Variants in GNG2 observed in about 807,000 individuals in gnomAD.
The protein encoded by GNG2 is G protein subunit gamma 2, also known as guanine nucleotide-binding protein G(I)/G(S)/G(O) subunit gamma-2.
Under a neutral mutation model 5.5 loss-of-function variants are expected in GNG2, and 5 were observed. The observed-to-expected ratio is 0.91, with a 90% CI of 0.48 to 1.92. The LOEUF (loss-of-function observed/expected upper bound fraction) is 1.92, where lower values mean the gene tolerates loss of function less well. GNG2 is among the 30% of genes most tolerant of loss of function. The probability of loss-of-function intolerance (pLI) is 0.01; values close to 1 mark genes in which losing one functional copy is unlikely to be tolerated. For missense variants in GNG2, 55 were observed against 88.4 expected, an observed-to-expected ratio of 0.62 and a Z score of 1.52; for synonymous variants, 28 against 32.0, an observed-to-expected ratio of 0.88 and a Z score of 0.42.
Position 51,901,963 on chromosome 14 carries a change from T to TAAA in GNG2, c.-30+24333_-30+24335dup, listed in dbSNP as rs34308582. Reference sequence around the variant, plus strand: ...CAACTAAGATCACAATAACAATCTGTAAAAAAAAAAAAAAAAAAAAAAAAA... The same window carrying TAAA: ...CAACTAAGATCACAATAACAATCTGTAAAAAAAAAAAAAAAAAAAAAAAAAAAA... On this transcript the variant is annotated intron_variant, in intron 2 of 3. Transcript: ENST00000556766. 4.1e-4 allele frequency among the ~76,000 whole-genome samples: 23 copies of TAAA among 56,450 alleles called. 3 individuals are homozygous for TAAA. The highest frequency in any genetic ancestry group is 1.5e-3 in the African/African-American group (22 of 15,062). 37.0% of individuals were successfully genotyped at this position (56,450 alleles called of 152,430 possible).
At chr14:51,928,260 G>A (rs968108398) in intron 2 of GNG2, among the ~76,000 whole-genome samples, 3 of 151,932 alleles carry the variant, frequency 2.0e-5, no homozygotes, top group Non-Finnish European at 2.9e-5. Context: ...TCGAACTCCT[G>A]ACCTCGTGAT....
At chr14:51,880,967 GAAAAAAAAA>G (rs11463019) in intron 2 of GNG2, among the ~76,000 whole-genome samples, 2 of 101,984 alleles carry the variant, frequency 2.0e-5, no homozygotes, top group African/African-American at 7.6e-5. Context: ...CAAAAAAAAA[GAAAAAAAAA>G]AAAAAAAAAA....
intron 2 of GNG2, among the ~76,000 whole-genome samples, chr14:51,889,321 C>G (rs1884686200): frequency 6.6e-6 from 1 of 151,950 alleles, no homozygotes; most frequent in Non-Finnish European, 1.5e-5. Flanking sequence ...CCATGTTGGC[C>G]AGGATGGTCA....
intron 2 of GNG2, among the ~76,000 whole-genome samples, chr14:51,881,944 A>G (rs187826539): frequency 6.8e-4 from 104 of 152,188 alleles, no homozygotes; most frequent in African/African-American, 2.4e-3. Context: ...AGGACTTTCA[A>G]TCCTGGTTTC....
intron 2 of GNG2, among the ~76,000 whole-genome samples, chr14:51,843,255 T>C (rs1164070432): frequency 6.6e-6 from 1 of 152,182 alleles, no homozygotes; most frequent in Non-Finnish European, 1.5e-5. Flanking sequence ...TCTACTTGGT[T>C]GTCTTACTCT....
At chr14:51,845,288 T>G (rs1881591740) in intron 2 of GNG2, among the ~76,000 whole-genome samples, 1 of 152,186 alleles carries the variant, frequency 6.6e-6, no homozygotes, top group East Asian at 1.9e-4. Context: ...CCCAGGAGTT[T>G]GAGACCAACC....
At chr14:51,899,253 G>A (rs1039147851) in intron 2 of GNG2, among the ~76,000 whole-genome samples, 18 of 152,182 alleles carry the variant, frequency 1.2e-4, no homozygotes, top group African/African-American at 4.3e-4. Context: ...GCTCTTGACT[G>A]GCTTTGCCTC....
chr14:51,853,296 CAG>C (rs1881999104), intron 2 of GNG2, among the ~76,000 whole-genome samples: 1 of 152,152 alleles, frequency 6.6e-6, no homozygotes, highest in Admixed American at 6.5e-5. Flanking sequence ...CCCTTGCCCT[CAG>C]GGAGTGGCAG....
chr14:51,914,755 G>A (rs939984005), intron 2 of GNG2, among the ~76,000 whole-genome samples: 18 of 152,182 alleles, frequency 1.2e-4, no homozygotes, highest in African/African-American at 4.3e-4. Flanking sequence ...GATTTCATTT[G>A]AAGAGTTCTT....
chr14:51,835,668 C>G (rs10220479), intron 2 of GNG2, among the ~76,000 whole-genome samples: 32,227 of 152,124 alleles, frequency 0.21, 3,897 homozygotes, highest in African/African-American at 0.31. Flanking sequence ...GCTCCCCTGA[C>G]CTACAACTTC....
intron 2 of GNG2, among the ~76,000 whole-genome samples, chr14:51,853,613 C>T (rs1882013669): frequency 6.8e-6 from 1 of 147,612 alleles, no homozygotes; most frequent in South Asian, 2.1e-4. Context: ...GTCTGGTCTA[C>T]ATTTTTGGCA....
At chr14:51,923,707 T>C (rs1273956248) in intron 2 of GNG2, among the ~76,000 whole-genome samples, 1 of 152,204 alleles carries the variant, frequency 6.6e-6, no homozygotes, top group Non-Finnish European at 1.5e-5. Flanking sequence ...AAGATTAATA[T>C]GGTAAAAGTT....
intron 2 of GNG2, among the ~76,000 whole-genome samples, chr14:51,830,861 T>C (rs546236423): frequency 2.0e-5 from 3 of 152,208 alleles, no homozygotes; most frequent in Non-Finnish European, 4.4e-5. Flanking sequence ...TCTAAAGTCC[T>C]CCAAAAGTTG....
intron 3 of GNG2, among the ~76,000 whole-genome samples, chr14:51,960,364 T>C (rs1379341481): frequency 1.3e-5 from 2 of 152,204 alleles, no homozygotes; most frequent in African/African-American, 4.8e-5. Context: ...TATGTCTTTT[T>C]ATCATGTGTT....
intron 2 of GNG2, among the ~76,000 whole-genome samples, chr14:51,918,044 A>G (rs1398710287): frequency 6.6e-6 from 1 of 152,006 alleles, no homozygotes; most frequent in African/African-American, 2.4e-5. Context: ...AACCAAAAAA[A>G]AAAAAAAAAA....
At chr14:51,937,411 T>C (rs1037166292) in intron 2 of GNG2, among the ~76,000 whole-genome samples, 2 of 152,080 alleles carry the variant, frequency 1.3e-5, no homozygotes, top group Non-Finnish European at 2.9e-5. Context: ...CACAGATGAT[T>C]ATGTATATTA....
chr14:51,942,512 C>A (rs759521761), intron 2 of GNG2, among the ~76,000 whole-genome samples: 1 of 149,582 alleles, frequency 6.7e-6, no homozygotes, highest in Non-Finnish European at 1.5e-5. Context: ...AGTATGGGAC[C>A]TTGAGAAAAG....
At chr14:51,828,438 C>A (rs912674773) in intron 2 of GNG2, among the ~76,000 whole-genome samples, 2 of 152,070 alleles carry the variant, frequency 1.3e-5, no homozygotes, top group African/African-American at 2.4e-5. Context: ...TATTGCTTAT[C>A]CTAGCTCTGA....
At chr14:51,847,900 T>G (rs1881706316) in intron 2 of GNG2, among the ~76,000 whole-genome samples, 1 of 148,064 alleles carries the variant, frequency 6.8e-6, no homozygotes, top group African/African-American at 2.5e-5. Flanking sequence ...TTTTTTTTTT[T>G]TTTTTTTTGT....
Sources: allele counts gnomAD v4.1 joint callset (sites outside exome capture counted in the v4.1 genomes callset), GRCh38; gene constraint gnomAD v4.1.1; transcripts MANE v1.5; gene names NCBI Gene and HGNC (gene_info 2026-07-23, HGNC 2026-07-21).